Variants in MAF1 observed in about 807,000 individuals in gnomAD.
MAF1 encodes the protein repressor of RNA polymerase III transcription MAF1 homolog.
In MAF1, 7 loss-of-function variants were observed where a neutral mutation model predicts 31.9. The observed-to-expected ratio is 0.22, with a 90% CI of 0.12 to 0.41. The LOEUF (loss-of-function observed/expected upper bound fraction) is 0.41, where lower values mean the gene tolerates loss of function less well. Ranked by LOEUF, MAF1 falls within the 10% of genes least tolerant of loss-of-function variation. The pLI, the probability that MAF1 is intolerant of heterozygous loss-of-function variation, is 1.00. For synonymous variants in MAF1, 157 were observed against 120.0 expected, an observed-to-expected ratio of 1.31 and a Z score of -2.02; for missense variants, 221 against 323.1, an observed-to-expected ratio of 0.68 and a Z score of 2.42.
rs560768540 is a variant in MAF1 at position 144,107,501 on chromosome 8, T to G, written c.*392T>G. 91 of 592,476 alleles carry G rather than the reference T, an allele frequency of 1.5e-4. No individual in the cohort carries two copies. The highest frequency in any genetic ancestry group is 1.3e-3 in the African/African-American group (69 of 53,886). 36.7% of individuals were successfully genotyped at this position (592,476 alleles called of 1,614,324 possible). A position where few individuals can be genotyped will look rare whatever the true frequency, so the allele number is the denominator to read the frequency against. On this transcript the variant is annotated 3_prime_UTR_variant, in exon 8 of 8. Coordinates refer to ENST00000322428, the MANE Select transcript of MAF1 (RefSeq NM_032272.5). Reference sequence around the variant, plus strand: ...GCCCCAGCAGTCACCGGCTCTGGTCTTGGGCCGGCCCCGGTGCCCACCTGT... The same window carrying G: ...GCCCCAGCAGTCACCGGCTCTGGTCGTGGGCCGGCCCCGGTGCCCACCTGT...
chr8:144,106,040 A>T, intron 3 of MAF1, 36 bp from the exon 4 acceptor site: 1 of 1,613,346 alleles, frequency 6.2e-7, no homozygotes, highest in Non-Finnish European at 8.5e-7. Context: ...GGTTGAGGGG[A>T]GGTGATGGGC....
Position 144,107,421 on chromosome 8 carries a change from A to T in MAF1, c.*312A>T. On this transcript the variant is annotated 3_prime_UTR_variant, in exon 8 of 8. Transcript: ENST00000322428. ...CCGCAGAGTTTATTTTTGTATTTCT[A>T]CTGGGCCTGCACACTCCAGCCCAAA... 2 of 577,906 alleles carry T rather than the reference A, an allele frequency of 3.5e-6. No homozygotes were observed. The highest frequency in any genetic ancestry group is 6.2e-6 in the Non-Finnish European group (2 of 322,708). 35.8% of individuals were successfully genotyped at this position (577,906 alleles called of 1,614,324 possible).
chr8:144,106,490 C>T (rs751699197), intron 5 of MAF1, 26 bp downstream of exon 5: 5 of 1,613,824 alleles, frequency 3.1e-6, no homozygotes, highest in South Asian at 1.1e-5. Flanking sequence ...TGCAGATGGC[C>T]TCCAGGCCTC....
intron 5 of MAF1, 27 bp downstream of exon 5, chr8:144,106,491 T>C: frequency 1.2e-6 from 2 of 1,613,828 alleles, no homozygotes; most frequent in Non-Finnish European, 1.7e-6. Context: ...GCAGATGGCC[T>C]CCAGGCCTCC....
chr8:144,105,662 A>C lies in MAF1; in HGVS notation c.-22A>C. 2 of 1,607,698 alleles carry C rather than the reference A, an allele frequency of 1.2e-6. No individual in the cohort carries two copies. Among genetic ancestry groups the C allele is most frequent in the Non-Finnish European group, 1.7e-6 (2 of 1,174,830 alleles). ...CAGGCAATACTAGCCCCTCTGGAGC[A>C]CGGAGCTCCTTCCCCAAAGACATGA... is the stretch of plus-strand genomic sequence containing the variant. On this transcript the variant is annotated 5_prime_UTR_variant, in exon 2 of 8. Transcript: ENST00000322428.
At chr8:144,105,296 A>C in intron 1 of MAF1, 1 of 61,756 alleles carries the variant, frequency 1.6e-5, no homozygotes, top group Non-Finnish European at 3.5e-5. Context: ...TGGTGGCTGG[A>C]GCTCTTTTGG....
In MAF1 at chr8:144,106,111, C is replaced by G. The variant is rs1836408996; in HGVS notation, c.248C>G (p.Pro83Arg). 2 of 1,613,560 alleles carry G rather than the reference C, an allele frequency of 1.2e-6. No individual in the cohort carries two copies. The highest frequency in any genetic ancestry group is 1.7e-6 in the Non-Finnish European group (2 of 1,180,016). Residue 83 changes from proline (P) to arginine (R), a missense_variant, in exon 4 of 8, where the codon CCC becomes CGC. By Grantham distance (103) the Pro-to-Arg change is moderately radical (BLOSUM62 -2). Coordinates refer to ENST00000322428, the MANE Select transcript of MAF1 (RefSeq NM_032272.5). ...AGCCAAGGCGGTGAGGAGGAGGGCC[C>G]CCTCAGTGACAAGTGCAGCCGCAAG... is the stretch of plus-strand genomic sequence containing the variant. ...SKSQGGEEEG[P>R]LSDKCSRKTL... is the part of the protein sequence containing the mutation.
chr8:144,105,383 G>A, intron 1 of MAF1: 2 of 409,604 alleles, frequency 4.9e-6, no homozygotes, highest in South Asian at 3.1e-5. Flanking sequence ...AGGGTCCCCG[G>A]TGGTCTAGTC....
At chr8:144,106,028 G>A (rs1355154873) in intron 3 of MAF1, 31 bp downstream of exon 3, 1 of 1,613,404 alleles carries the variant, frequency 6.2e-7, no homozygotes, top group African/African-American at 1.3e-5. Context: ...CCTGGGGCTG[G>A]GGGTTGAGGG....
Position 144,107,542 on chromosome 8 carries a change from A to C in MAF1, c.*433A>C. The C allele has an allele frequency of 1.7e-6, 1 of 603,282 alleles. No homozygotes were observed. Among genetic ancestry groups the C allele is most frequent in the Non-Finnish European group, 3.0e-6 (1 of 334,390 alleles). 37.4% of individuals were successfully genotyped at this position (603,282 alleles called of 1,614,324 possible). A position where few individuals can be genotyped will look rare whatever the true frequency, so the allele number is the denominator to read the frequency against. On this transcript the variant is annotated 3_prime_UTR_variant, in exon 8 of 8. Transcript: ENST00000322428. ...GCCCACCTGTACCCCCACCTCGCCC[A>C]TTTGGCCGCGTGCACTGAGTGTCAC...
chr8:144,105,511 C>T (rs1836393900), intron 1 of MAF1, 129 bp from the exon 2 acceptor site: 1 of 615,724 alleles, frequency 1.6e-6, no homozygotes, highest in African/African-American at 1.8e-5. Flanking sequence ...AGGGGAGCTC[C>T]TGATGTGCAG....
chr8:144,105,060 C>G (rs1205981144), intron 1 of MAF1: 1 of 152,346 alleles, frequency 6.6e-6, no homozygotes, highest in Non-Finnish European at 1.5e-5. Context: ...TCTGGAGAAA[C>G]TAGGCAATTT....
In MAF1 at chr8:144,104,511, G is replaced by C. The variant is rs552537225; in HGVS notation, c.-392G>C. On this transcript the variant is annotated 5_prime_UTR_variant, in exon 1 of 8. Transcript: ENST00000322428. The stretch of plus-strand genomic sequence containing the variant: ...GCGGACGCTTGTTGTTGTCCGGCCG[G>C]GGGAGGCGGAGGTCGCTCGCTCGCT... 1 of 152,294 alleles carries C rather than the reference G, an allele frequency of 6.6e-6. No homozygotes were observed. The highest frequency in any genetic ancestry group is 2.1e-4 in the South Asian group (1 of 4,828). 9.4% of individuals were successfully genotyped at this position (152,294 alleles called of 1,614,324 possible). A position where few individuals can be genotyped will look rare whatever the true frequency, so the allele number is the denominator to read the frequency against.
In MAF1 at chr8:144,105,965, T is replaced by C. The variant is rs1369139870; in HGVS notation, c.180T>C (p.Ser60=). ...EGQPHVLEAL[S]PPQTSGLSPS... is the part of the protein sequence containing the mutation. ...AGCCCCACGTGCTGGAGGCACTTTC[T>C]CCACCCCAGACTTCAGGACTGAGCC... is the stretch of plus-strand genomic sequence containing the variant. The change falls in exon 3 of 8, where the codon TCT becomes TCC. Residue 60 remains serine, a synonymous_variant. Coordinates refer to ENST00000322428, the MANE Select transcript of MAF1 (RefSeq NM_032272.5). 19 of 1,613,220 alleles carry C rather than the reference T, an allele frequency of 1.2e-5. No homozygotes were observed. The highest frequency in any genetic ancestry group is 1.5e-5 in the Non-Finnish European group (18 of 1,179,990).
chr8:144,105,706 G>A lies in MAF1; in HGVS notation c.23G>A (p.Ser8Asn). The change falls in exon 2 of 8, where the codon AGC becomes AAC. Residue 8 changes from serine to asparagine, a missense_variant. Coordinates refer to ENST00000322428, the MANE Select transcript of MAF1 (RefSeq NM_032272.5). The stretch of plus-strand genomic sequence containing the variant: ...GACATGAAGCTATTGGAGAACTCGA[G>A]CTTTGAAGCCATCAACTCACAGCTG... MKLLENS[S>N]FEAINSQLTV... 9 of 1,613,414 alleles carry A rather than the reference G, an allele frequency of 5.6e-6. No homozygotes were observed. The highest frequency in any genetic ancestry group is 6.8e-6 in the Non-Finnish European group (8 of 1,180,000).
intron 1 of MAF1, 24 bp from the exon 2 acceptor site, chr8:144,105,616 A>G (rs1165827836): frequency 1.1e-5 from 16 of 1,425,826 alleles, no homozygotes; most frequent in Non-Finnish European, 1.3e-5. Context: ...ATAGATACCC[A>G]TGGTCTGGTC....
In MAF1 at chr8:144,106,175, C is replaced by T. The variant is rs1836410230; in HGVS notation, c.312C>T (p.Phe104=). 1 of 1,613,738 alleles carries T rather than the reference C, an allele frequency of 6.2e-7. No individual in the cohort carries two copies. Among genetic ancestry groups the T allele is most frequent in the African/African-American group, 1.3e-5 (1 of 74,940 alleles). The change falls in exon 4 of 8, where the codon TTC becomes TTT. Residue 104 remains phenylalanine, a synonymous_variant. Transcript: ENST00000322428. ...FYLIATLNES[F]RPDYDFSTAR... is the part of the protein sequence containing the mutation. ...TGATTGCCACGCTCAATGAGTCCTT[C>T]AGGCCTGACTATGACTTCAGCACAG...
rs921889629 is a variant in MAF1, at chr8:144,106,952, G to A, written c.738G>A (p.Met246Ile). Residue 246 changes from methionine to isoleucine, a missense_variant, in exon 7 of 8, where the codon ATG becomes ATA. This residue lies in a region of MAF1 where 75 missense variants were observed against 60.1 expected (regional missense o/e 1.25). Transcript: ENST00000322428. ...GTGGGGCCGAGGAGACCAGCACCAT[G>A]GAGGAGGACAGGTGTGTGATGGGGG... ...GGSGAEETST[M>I]EEDRVPVICI The A allele has an allele frequency of 6.6e-7, 1 of 1,524,152 alleles. No individual in the cohort carries two copies. Among genetic ancestry groups the A allele is most frequent in the African/African-American group, 1.4e-5 (1 of 72,100 alleles). The allele number at this position is 1,524,152 out of a possible 1,614,324, so 94.4% of individuals were successfully genotyped here. A position where few individuals can be genotyped will look rare whatever the true frequency, so the allele number is the denominator to read the frequency against.
chr8:144,104,959 C>G (rs1201648532), intron 1 of MAF1, 101 bp downstream of exon 1: 1 of 152,248 alleles, frequency 6.6e-6, no homozygotes. Context: ...GTAGTTCCAC[C>G]GCGGCTTGGC....
Sources: gnomAD v4.1 joint callset for allele counts on GRCh38, gnomAD v4.1.1 for gene constraint, gnomAD v4.1.1 regional missense constraint, MANE v1.5 for transcripts, NCBI Gene and HGNC (gene_info 2026-07-23, HGNC 2026-07-21) for gene names.